The following EVI5L variants were observed in gnomAD, a reference collection of about 807,000 sequenced individuals.
The protein encoded by EVI5L is ecotropic viral integration site 5 like, also known as EVI5-like protein.
EVI5L carries 30 observed loss-of-function variants against 106.1 expected under a neutral mutation model. The ratio of observed to expected loss-of-function variants is 0.28; its 90% confidence interval spans 0.21 to 0.38. The LOEUF is 0.38. Among genes scored for constraint, EVI5L ranks in the 10% least tolerant of loss-of-function variants. The pLI, the probability that EVI5L is intolerant of heterozygous loss-of-function variation, is 1.00. For missense variants in EVI5L, 809 were observed against 1,098.0 expected, an observed-to-expected ratio of 0.74 and a Z score of 3.72; for synonymous variants, 489 against 483.3, an observed-to-expected ratio of 1.01 and a Z score of -0.15.
At position 7,863,094 on chromosome 19, in the gene EVI5L, G is replaced by T. The variant is rs777421425; in HGVS notation, c.2043+27G>T. 37 of 735,866 alleles carry T rather than the reference G, an allele frequency of 5.0e-5. No homozygotes were observed. The highest frequency in any genetic ancestry group is 8.1e-5 in the Non-Finnish European group (34 of 421,944). 45.6% of individuals were successfully genotyped at this position (735,866 alleles called of 1,614,324 possible). ...TGATCGGCGGGGCCGGGGTCGGGGG[G>T]CGGGGGCGGGGGCAGGGCCCGGGGC... On this transcript the variant is annotated intron_variant, in intron 18 of 19. Transcript: ENST00000538904. This position sits in a 1 kb window ranked among gnomAD's most constrained non-coding sequence, Gnocchi z 7.7.
Position 7,848,782 on chromosome 19 carries a change from T to G in EVI5L, c.328-139T>G. 1.3e-6 allele frequency: 1 copy of G among 746,228 alleles called. No individual in the cohort carries two copies. The highest frequency in any genetic ancestry group is 2.1e-6 in the Non-Finnish European group (1 of 469,750). 46.2% of individuals were successfully genotyped at this position (746,228 alleles called of 1,614,324 possible). On this transcript the variant is annotated intron_variant, in intron 3 of 19. Coordinates refer to ENST00000538904, the MANE Select transcript of EVI5L (RefSeq NM_001159944.3). This position sits in a 1 kb window ranked among gnomAD's most constrained non-coding sequence, Gnocchi z 4.8. ...AGACCCTGTCTCTGAAAAAAGGGGG[T>G]AAAAAAAGGATTGGGGACCATGAGT...
In EVI5L at chr19:7,848,946, A is replaced by G. The variant is rs768632902; in HGVS notation, c.353A>G (p.His118Arg). Residue 118 changes from histidine (H) to arginine (R), a missense_variant, in exon 4 of 20, where the codon CAC becomes CGC. By Grantham distance (29) the His-to-Arg change is conservative. Transcript: ENST00000538904. This position sits in a 1 kb window ranked among gnomAD's most constrained non-coding sequence, Gnocchi z 4.8. ...LKELIRKGIP[H>R]HFRAIVWQLL... ...GAGCTGATCCGCAAGGGCATCCCCC[A>G]CCACTTCCGGGCCATCGTGTGGCAG... The G allele has an allele frequency of 6.2e-7, 1 of 1,611,876 alleles. No homozygotes were observed.
intron 1 of EVI5L, among the ~76,000 whole-genome samples, chr19:7,844,147 T>C (rs1978840086): frequency 6.6e-6 from 1 of 151,604 alleles, no homozygotes; most frequent in Admixed American, 6.6e-5. Flanking sequence ...GGTCAGGAGT[T>C]CGAGACCAGC....
rs567267958 is a variant in EVI5L at position 7,842,321 on chromosome 19, A to T, written c.-47-4175A>T. On this transcript the variant is annotated intron_variant, in intron 1 of 19. Transcript: ENST00000538904. ...GTGTGTGCGTGTGTGAGAATGTATG[A>T]ATGTATGTATCAAGTGTGTGCATGT... Among the ~76,000 whole-genome samples the T allele has an allele frequency of 1.3e-4, 8 of 63,908 alleles. No individual in the cohort carries two copies. In the East Asian group the frequency reaches 2.6e-3, roughly 21 times the overall value. 41.9% of individuals were successfully genotyped at this position (63,908 alleles called of 152,430 possible).
At chr19:7,844,697 G>A (rs1229794679) in intron 1 of EVI5L, among the ~76,000 whole-genome samples, 2 of 152,138 alleles carry the variant, frequency 1.3e-5, no homozygotes, top group Non-Finnish European at 2.9e-5. Flanking sequence ...TGGTCTTTAG[G>A]GCAGGTGGCC....
In EVI5L at chr19:7,846,626, G is replaced by C. The variant is rs759264135; in HGVS notation, c.84G>C (p.Glu28Asp). Residue 28 changes from glutamate (E) to aspartate (D), a missense_variant, in exon 2 of 20, where the codon GAG becomes GAC. By Grantham distance (45) the Glu-to-Asp change is conservative. This residue lies in a region of EVI5L where 357 missense variants were observed against 588.1 expected (regional missense o/e 0.61). Coordinates refer to ENST00000538904, the MANE Select transcript of EVI5L (RefSeq NM_001159944.3). ...APTCSPTSDS[E>D]NLSPDELELL... ...CCTGCTCCCCAACCTCTGACTCCGA[G>C]AACCTCAGCCCCGATGAGCTGGAGC... is the stretch of plus-strand genomic sequence containing the variant. The C allele has an allele frequency of 6.2e-7, 1 of 1,613,824 alleles. No individual in the cohort carries two copies. The highest frequency in any genetic ancestry group is 8.5e-7 in the Non-Finnish European group (1 of 1,179,970).
chr19:7,833,999 C>T (rs1274631993), intron 1 of EVI5L, among the ~76,000 whole-genome samples: 3 of 152,178 alleles, frequency 2.0e-5, no homozygotes, highest in Admixed American at 1.3e-4. Flanking sequence ...GCATGACTCA[C>T]CTGCACTTTC....
intron 17 of EVI5L, among the ~76,000 whole-genome samples, chr19:7,862,751 C>A (rs1393542555): frequency 2.4e-5 from 3 of 124,474 alleles, no homozygotes; most frequent in Admixed American, 7.7e-5. Context: ...CCCCCCCCCG[C>A]GGTCCCGCCT....
intron 1 of EVI5L, among the ~76,000 whole-genome samples, chr19:7,832,386 T>C (rs992817462): frequency 6.6e-6 from 1 of 152,180 alleles, no homozygotes; most frequent in Non-Finnish European, 1.5e-5. Flanking sequence ...AACCCTGAGA[T>C]AAAAGGCCCA....
rs906965509 is a variant in EVI5L, at chr19:7,845,175, G to A, written c.-47-1321G>A. Among the ~76,000 whole-genome samples the A allele has an allele frequency of 2.0e-5, 3 of 152,290 alleles. No homozygotes were observed. The highest frequency in any genetic ancestry group is 2.1e-4 in the South Asian group (1 of 4,832). ...ACACGGCAGACTCCTGCTACAGAGC[G>A]TGCCGGGCAGTGGGCGGGCATGAGG... On this transcript the variant is annotated intron_variant, in intron 1 of 19. Coordinates refer to ENST00000538904, the MANE Select transcript of EVI5L (RefSeq NM_001159944.3). This position sits in a 1 kb window ranked among gnomAD's most constrained non-coding sequence, Gnocchi z 4.0.
At chr19:7,852,759 A>G (rs1979321094) in intron 8 of EVI5L, 2 of 302,170 alleles carry the variant, frequency 6.6e-6, no homozygotes, top group Non-Finnish European at 1.3e-5. Flanking sequence ...TGTTGCCCAC[A>G]CTGGTCTCAA....
At position 7,857,302 on chromosome 19, in the gene EVI5L, G is replaced by A. The variant is rs1050561971; in HGVS notation, c.1233+178G>A. 3 of 766,972 alleles carry A rather than the reference G, an allele frequency of 3.9e-6. No homozygotes were observed. The highest frequency in any genetic ancestry group is 1.7e-5 in the South Asian group (1 of 59,880). The allele number at this position is 766,972 out of a possible 1,614,324, so 47.5% of individuals were successfully genotyped here. A position where few individuals can be genotyped will look rare whatever the true frequency, so the allele number is the denominator to read the frequency against. ...GAGGCTTCCCGGGGGGGCGGGGCAT[G>A]TGAAGTGGGGAGAAGGGTGTGTGTG... is the stretch of plus-strand genomic sequence containing the variant. On this transcript the variant is annotated intron_variant, in intron 12 of 19. Transcript: ENST00000538904. This position sits in a 1 kb window ranked among gnomAD's most constrained non-coding sequence, Gnocchi z 4.5.
chr19:7,857,201 C>CATGACA lies in EVI5L; in HGVS notation c.1233+77_1233+78insATGACA. On this transcript the variant is annotated intron_variant, in intron 12 of 19. Transcript: ENST00000538904. The surrounding 1 kb of genome is among the most constrained non-coding windows in gnomAD (Gnocchi z 4.5). ...CACCCTGCACATGACAGCCAGTAAC[C>CATGACA]GCCTCTTCCCTGCCATTCTGCGGGC... 6.6e-7 allele frequency: 1 copy of CATGACA among 1,526,584 alleles called. No individual in the cohort carries two copies. Among genetic ancestry groups the CATGACA allele is most frequent in the South Asian group, 1.2e-5 (1 of 83,552 alleles). The allele number at this position is 1,526,584 out of a possible 1,614,324, so 94.6% of individuals were successfully genotyped here. A position where few individuals can be genotyped will look rare whatever the true frequency, so the allele number is the denominator to read the frequency against.
chr19:7,859,680 G>A (rs1341384901), intron 13 of EVI5L, among the ~76,000 whole-genome samples: 1 of 152,232 alleles, frequency 6.6e-6, no homozygotes, highest in Non-Finnish European at 1.5e-5. Flanking sequence ...GCATGAGGCC[G>A]CCTTTCAGGC....
intron 13 of EVI5L, among the ~76,000 whole-genome samples, chr19:7,859,518 G>GGA (rs1230194227): frequency 3.3e-5 from 5 of 152,250 alleles, no homozygotes; most frequent in Non-Finnish European, 5.9e-5. Context: ...CTGGGGAGAA[G>GGA]GAGAGCTTCA....
chr19:7,854,414 C>T (rs922689748), intron 10 of EVI5L, among the ~76,000 whole-genome samples: 3 of 152,144 alleles, frequency 2.0e-5, no homozygotes, highest in African/African-American at 7.2e-5. Context: ...CACAGCCTGG[C>T]TCCATGCTCT....
At position 7,850,660 on chromosome 19, in the gene EVI5L, G is replaced by A. The variant is rs548634097; in HGVS notation, c.753+538G>A. On this transcript the variant is annotated intron_variant, in intron 6 of 19. Coordinates refer to ENST00000538904, the MANE Select transcript of EVI5L (RefSeq NM_001159944.3). The surrounding 1 kb of genome is among the most constrained non-coding windows in gnomAD (Gnocchi z 5.4). ...CCGCCTCAGCTGCCATGGCAGGTGG[G>A]GCTGTGCAGTCATCCCTGGATGTGA... Among the ~76,000 whole-genome samples, 7 of 152,258 alleles carry A rather than the reference G, an allele frequency of 4.6e-5. No homozygotes were observed. The South Asian group carries it at 1.4e-3, about 32-fold the overall frequency.
chr19:7,830,676 C>A, intron 1 of EVI5L, among the ~76,000 whole-genome samples: 1 of 148,178 alleles, frequency 6.7e-6, no homozygotes, highest in South Asian at 2.2e-4. Context: ...TTGCAGTGAC[C>A]CTCAGGACTC....
At position 7,848,214 on chromosome 19, in the gene EVI5L, C is replaced by A. The variant is rs1399706251; in HGVS notation, c.327+293C>A. On this transcript the variant is annotated intron_variant, in intron 3 of 19. Coordinates refer to ENST00000538904, the MANE Select transcript of EVI5L (RefSeq NM_001159944.3). The surrounding 1 kb of genome is among the most constrained non-coding windows in gnomAD (Gnocchi z 4.8). Reference sequence around the variant, plus strand: ...ACGCCTGGAATCTCAGCACTTTGGGCGGCCAAGGTGGGAGGATCGCTTGAG... The same window carrying A: ...ACGCCTGGAATCTCAGCACTTTGGGAGGCCAAGGTGGGAGGATCGCTTGAG... Among the ~76,000 whole-genome samples the A allele has an allele frequency of 6.6e-6, 1 of 151,894 alleles. No homozygotes were observed. The highest frequency in any genetic ancestry group is 2.1e-4 in the South Asian group (1 of 4,816).
Sources: allele counts gnomAD v4.1 joint callset (sites outside exome capture counted in the v4.1 genomes callset), GRCh38; gene constraint gnomAD v4.1.1; regional missense constraint gnomAD v4.1.1; non-coding constraint Gnocchi (gnomAD v3.1); transcripts MANE v1.5; gene names NCBI Gene and HGNC (gene_info 2026-07-23, HGNC 2026-07-21).